MAMSTR: variants seen among roughly 807,000 people sequenced by gnomAD.
The protein encoded by MAMSTR is MEF2-activating motif and SAP domain-containing transcriptional regulator.
Under a neutral mutation model 42.7 loss-of-function variants are expected in MAMSTR, and 41 were observed. That is an observed-to-expected ratio of 0.96 (90% CI 0.75 to 1.25). The LOEUF is 1.25. Ranked by LOEUF, MAMSTR falls within the 50% of genes most tolerant of loss-of-function variation. MAMSTR has a pLI of 0.00. For synonymous variants in MAMSTR, 265 were observed against 244.1 expected, an observed-to-expected ratio of 1.09 and a Z score of -0.80; for missense variants, 567 against 557.6, an observed-to-expected ratio of 1.02 and a Z score of -0.17.
In MAMSTR at chr19:48,714,814, C is replaced by T. The variant is rs772324462; in HGVS notation, c.520G>A (p.Glu174Lys). Residue 174 changes from glutamate to lysine, a missense_variant, in exon 6 of 10, where the codon GAG becomes AAG. Physicochemically the swap from Glu to Lys is moderately conservative, Grantham distance 56. Coordinates refer to ENST00000318083, the MANE Select transcript of MAMSTR (RefSeq NM_001130915.2). ...KLELQTLKLE[E>K]LTVSELRQQL... Reference sequence around the variant, plus strand: ...TTACACCCCAAACTCACCGTCAGCTCCTCCAGTTTAAGGGTCTGAAGTTCC... The same window carrying T: ...TTACACCCCAAACTCACCGTCAGCTTCTCCAGTTTAAGGGTCTGAAGTTCC... 34 of 1,607,930 alleles carry T rather than the reference C, an allele frequency of 2.1e-5. 2 individuals are homozygous for T. The South Asian group carries it at 3.4e-4, about 16-fold the overall frequency.
In MAMSTR at chr19:48,713,214, G is replaced by C. The variant is rs911750073; in HGVS notation, c.*53C>G. 1 of 1,500,714 alleles carries C rather than the reference G, an allele frequency of 6.7e-7. No individual in the cohort carries two copies. The highest frequency in any genetic ancestry group is 8.9e-7 in the Non-Finnish European group (1 of 1,122,396). The allele number at this position is 1,500,714 out of a possible 1,614,324, so 93.0% of individuals were successfully genotyped here. A position where few individuals can be genotyped will look rare whatever the true frequency, so the allele number is the denominator to read the frequency against. ...CTGGTAGTTCCCTCTCCTCCCACAAGGAGCTTCTCTCCACCCCCATCAGTT... is the reference window on the plus strand; with the variant it reads ...CTGGTAGTTCCCTCTCCTCCCACAACGAGCTTCTCTCCACCCCCATCAGTT... On this transcript the variant is annotated 3_prime_UTR_variant, in exon 10 of 10. Transcript: ENST00000318083.
At chr19:48,707,734 C>CG (rs559129633), downstream of MAMSTR, among the ~76,000 whole-genome samples, 3,227 of 127,862 alleles carry the variant, frequency 0.025, 128 homozygotes, top group African/African-American at 0.088. Flanking sequence ...GAGCGAAACT[C>CG]AAGAGAGAGA....
Position 48,714,564 on chromosome 19 carries a change from G to C in MAMSTR, c.529-4C>G. On this transcript the variant is annotated splice_polypyrimidine_tract_variant and splice_region_variant and intron_variant, in intron 6 of 9. Coordinates refer to ENST00000318083, the MANE Select transcript of MAMSTR (RefSeq NM_001130915.2). The stretch of plus-strand genomic sequence containing the variant: ...GCTGCTGCCGGAGCTCTGAGACCTG[G>C]GGAGGGGCGGGGCGTGGGAAGAGGC... 1 of 1,465,622 alleles carries C rather than the reference G, an allele frequency of 6.8e-7. No homozygotes were observed. Among genetic ancestry groups the C allele is most frequent in the Non-Finnish European group, 8.9e-7 (1 of 1,121,640 alleles). 90.8% of individuals were successfully genotyped at this position (1,465,622 alleles called of 1,614,324 possible).
At chr19:48,718,165 T>C (rs1400223339) in intron 2 of MAMSTR, among the ~76,000 whole-genome samples, 1 of 152,206 alleles carries the variant, frequency 6.6e-6, no homozygotes, top group East Asian at 1.9e-4. Flanking sequence ...CACTTTCTTA[T>C]GTGCACAGTC....
chr19:48,708,977 A>ATACATCAATGTATGGAGAGTGTG (rs1318407962), downstream of MAMSTR, among the ~76,000 whole-genome samples: 2 of 152,032 alleles, frequency 1.3e-5, no homozygotes, highest in African/African-American at 4.8e-5. Flanking sequence ...ACACATTGAT[A>ATACATCAATGTATGGAGAGTGTG]TGGAGAGTGA....
chr19:48,718,690 G>A (rs911666320), intron 2 of MAMSTR, among the ~76,000 whole-genome samples: 1 of 151,808 alleles, frequency 6.6e-6, no homozygotes, highest in African/African-American at 2.4e-5. Context: ...CTGCCCCTGC[G>A]TGTGCGCCAG....
At chr19:48,710,414 CTTTTTTTT>C (rs551847729), downstream of MAMSTR, among the ~76,000 whole-genome samples, 9 of 103,768 alleles carry the variant, frequency 8.7e-5, no homozygotes, top group South Asian at 3.3e-4. Context: ...TGGGCCCAAT[CTTTTTTTT>C]TTTTTTTTTT....
chr19:48,706,612 G>C, the MAMSTR span, among the ~76,000 whole-genome samples: 1 of 152,062 alleles, frequency 6.6e-6, no homozygotes, highest in Admixed American at 6.6e-5. Context: ...ACTGCAGCCT[G>C]GGCAACAAGA....
At chr19:48,714,294 T>C in intron 7 of MAMSTR, 72 bp downstream of exon 7, 1 of 1,279,404 alleles carries the variant, frequency 7.8e-7, no homozygotes, top group South Asian at 2.0e-5. Flanking sequence ...ATTGGCTAGT[T>C]TTTTCGACAC....
downstream of MAMSTR, among the ~76,000 whole-genome samples, chr19:48,707,767 A>AAGAG (rs928574957): frequency 1.3e-5 from 2 of 149,488 alleles, no homozygotes; most frequent in African/African-American, 4.9e-5. Context: ...AGAGAAAGAA[A>AAGAG]AGAGAAAGAA....
intron 3 of MAMSTR, among the ~76,000 whole-genome samples, chr19:48,716,246 C>A (rs979212068): frequency 6.6e-6 from 1 of 151,806 alleles, no homozygotes; most frequent in Non-Finnish European, 1.5e-5. Context: ...CGTGGTGGCA[C>A]GTGCCTGTAA....
At chr19:48,712,206 T>C (rs2032741855), downstream of MAMSTR, among the ~76,000 whole-genome samples, 1 of 151,836 alleles carries the variant, frequency 6.6e-6, no homozygotes, top group South Asian at 2.1e-4. Flanking sequence ...TGTTTGGCTA[T>C]AATAAGCTCA....
chr19:48,710,105 C>A (rs987949440), downstream of MAMSTR, among the ~76,000 whole-genome samples: 4 of 150,998 alleles, frequency 2.6e-5, no homozygotes, highest in African/African-American at 9.8e-5. Flanking sequence ...GATCCACCTG[C>A]CTCGGACTCC....
At position 48,715,240 on chromosome 19, in the gene MAMSTR, A is replaced by C. The variant is rs755984200; in HGVS notation, c.425+22T>G. 3.8e-6 allele frequency: 6 copies of C among 1,564,350 alleles called. No individual in the cohort carries two copies. In the East Asian group the frequency reaches 1.4e-4, roughly 36 times the overall value. ...GGGACCTGAATTTCTGGGTCCCGGG[A>C]GAACAGAAGTGGGTGTCATACCTAG... is the stretch of plus-strand genomic sequence containing the variant. On this transcript the variant is annotated intron_variant, in intron 5 of 9. Transcript: ENST00000318083.
At chr19:48,718,140 A>G (rs1037304176) in intron 2 of MAMSTR, among the ~76,000 whole-genome samples, 5 of 152,086 alleles carry the variant, frequency 3.3e-5, no homozygotes, top group African/African-American at 1.2e-4. Flanking sequence ...ACCGCGCCCC[A>G]CCTGGATGAA....
At chr19:48,716,482 T>A (rs1568469983) in intron 3 of MAMSTR, among the ~76,000 whole-genome samples, 3 of 148,858 alleles carry the variant, frequency 2.0e-5, no homozygotes, top group Non-Finnish European at 1.5e-5. Context: ...AGTTCAAGCA[T>A]CTCATTAGGG....
At chr19:48,710,274 A>ATTTTT (rs55986068), downstream of MAMSTR, among the ~76,000 whole-genome samples, 3 of 143,104 alleles carry the variant, frequency 2.1e-5, no homozygotes, top group African/African-American at 7.7e-5. Flanking sequence ...CTGGCTAATT[A>ATTTTT]TTTTTTTTTT....
chr19:48,709,595 T>G (rs377546693), downstream of MAMSTR, among the ~76,000 whole-genome samples: 10 of 152,320 alleles, frequency 6.6e-5, 2 homozygotes, highest in Admixed American at 2.6e-4. Flanking sequence ...GAACTTCTGC[T>G]GCTTTGACAA....
intron 5 of MAMSTR, 64 bp from the exon 6 acceptor site, chr19:48,714,972 G>A (rs2032938355): frequency 9.1e-7 from 1 of 1,093,088 alleles, no homozygotes; most frequent in Admixed American, 2.2e-5. Flanking sequence ...GCGTTCTGGG[G>A]TCCTCAAAGA....
Sources: gnomAD v4.1 joint callset for allele counts (sites outside exome capture counted in the v4.1 genomes callset) on GRCh38, gnomAD v4.1.1 for gene constraint, MANE v1.5 for transcripts, NCBI Gene and HGNC (gene_info 2026-07-23, HGNC 2026-07-21) for gene names.